The following SNX25 variants were observed in gnomAD, a reference collection of about 807,000 sequenced individuals.
SNX25 encodes the protein sorting nexin-25.
Under a neutral mutation model 113.7 loss-of-function variants are expected in SNX25, and 62 were observed. The ratio of observed to expected loss-of-function variants is 0.55; its 90% CI spans 0.44 to 0.67. The LOEUF (loss-of-function observed/expected upper bound fraction) is 0.67, where lower values mean the gene tolerates loss of function less well. SNX25 is among the 30% of genes least tolerant of loss of function. The pLI is 0.00. For missense variants in SNX25, 1,014 were observed against 1,161.0 expected (o/e 0.87, Z 1.84); for synonymous variants, 421 against 436.2 (o/e 0.97, Z 0.43).
At chr4:185,345,216 C>CCTTT (rs1360637561) in intron 12 of SNX25, among the ~76,000 whole-genome samples, 1 of 152,134 alleles carries the variant, frequency 6.6e-6, no homozygotes, top group Non-Finnish European at 1.5e-5. Flanking sequence ...TTACCCCTGC[C>CCTTT]CTTTCCTACG....
chr4:185,326,367 A>AG (rs2095157280), intron 9 of SNX25, among the ~76,000 whole-genome samples: 2 of 152,172 alleles, frequency 1.3e-5, no homozygotes, highest in Admixed American at 6.5e-5. Context: ...AAGTTATCAG[A>AG]AACCTGCATT....
chr4:185,328,921 G>A (rs193111733), intron 9 of SNX25, among the ~76,000 whole-genome samples: 140 of 152,260 alleles, frequency 9.2e-4, no homozygotes, highest in African/African-American at 3.3e-3. Flanking sequence ...TTGAACAGGC[G>A]AGGAGCAGAT....
At chr4:185,215,507 C>CA (rs1432688061) in intron 1 of SNX25, among the ~76,000 whole-genome samples, 1 of 152,156 alleles carries the variant, frequency 6.6e-6, no homozygotes, top group Non-Finnish European at 1.5e-5. Flanking sequence ...AAAACAAACT[C>CA]ATTTAGTTAC....
At chr4:185,370,849 A>G (rs573061591), downstream of SNX25, 12 of 1,609,126 alleles carry the variant, frequency 7.5e-6, no homozygotes, top group South Asian at 1.2e-4. Context: ...TGGAAAAGAC[A>G]TCAGTTATGG....
intron 2 of SNX25, among the ~76,000 whole-genome samples, chr4:185,253,206 A>G (rs1218039826): frequency 6.6e-6 from 1 of 152,166 alleles, no homozygotes; most frequent in African/African-American, 2.4e-5. Flanking sequence ...AGTACATGCT[A>G]TTTGTTCAGT....
rs568204489 is a variant in SNX25, at chr4:185,236,238, T to A, written c.430-11056T>A. ...CCAAGAAGGTTTGCATCTTTCCCTA[T>A]AACTTTTTATAACTTTTCCCACCAC... On this transcript the variant is annotated intron_variant, in intron 1 of 18. Coordinates refer to ENST00000652585, the MANE Select transcript of SNX25 (RefSeq NM_001378034.2). Among the ~76,000 whole-genome samples the A allele has an allele frequency of 1.1e-4, 17 of 151,688 alleles. No individual in the cohort carries two copies. The South Asian group carries it at 3.3e-3, about 30-fold the overall frequency.
chr4:185,339,349 A>G (rs1347377577), intron 10 of SNX25, 30 bp from the exon 11 acceptor site: 3 of 1,609,956 alleles, frequency 1.9e-6, no homozygotes, highest in Non-Finnish European at 2.5e-6. Context: ...AAGTGTTTTC[A>G]TAACTCCCAG....
chr4:185,245,076 T>G (rs896571405), intron 1 of SNX25, among the ~76,000 whole-genome samples: 1 of 152,088 alleles, frequency 6.6e-6, no homozygotes, highest in East Asian at 1.9e-4. Context: ...ACCGTAACAT[T>G]AGCCTTTTAG....
intron 1 of SNX25, among the ~76,000 whole-genome samples, chr4:185,234,249 T>C (rs1057087369): frequency 2.0e-5 from 3 of 152,180 alleles, no homozygotes; most frequent in African/African-American, 7.2e-5. Context: ...ATTTTTCTTT[T>C]AGAAAGCAGG....
intron 1 of SNX25, among the ~76,000 whole-genome samples, chr4:185,242,454 C>G (rs1420448852): frequency 6.6e-6 from 1 of 152,176 alleles, no homozygotes; most frequent in African/African-American, 2.4e-5. Context: ...TGCCCATGAG[C>G]CCCCTTTGGG....
intron 7 of SNX25, 53 bp downstream of exon 7, chr4:185,310,869 G>A: frequency 6.7e-7 from 1 of 1,501,728 alleles, no homozygotes; most frequent in Non-Finnish European, 8.9e-7. Context: ...TATAAATGCT[G>A]ATAGAACTAC....
intron 8 of SNX25, among the ~76,000 whole-genome samples, chr4:185,321,262 ATTTTTTT>A (rs556737428): frequency 1.5e-5 from 2 of 137,252 alleles, no homozygotes; most frequent in African/African-American, 5.4e-5. Context: ...TTTCATTTCA[ATTTTTTT>A]TTTTTTTTTT....
intron 9 of SNX25, among the ~76,000 whole-genome samples, chr4:185,326,229 A>G (rs1219524614): frequency 5.3e-5 from 8 of 152,186 alleles, no homozygotes; most frequent in African/African-American, 1.7e-4. Context: ...AAAACGTCAG[A>G]AAGGTCACTC....
intron 9 of SNX25, among the ~76,000 whole-genome samples, chr4:185,325,790 T>C (rs561070940): frequency 6.6e-6 from 1 of 152,142 alleles, no homozygotes. Flanking sequence ...TAACTTGGGG[T>C]TCCTGGCCTG....
At chr4:185,240,663 C>T (rs1271011749) in intron 1 of SNX25, among the ~76,000 whole-genome samples, 2 of 151,112 alleles carry the variant, frequency 1.3e-5, no homozygotes, top group Non-Finnish European at 3.0e-5. Context: ...ACCCCCCCAC[C>T]TCCCTTCCGG....
intron 9 of SNX25, among the ~76,000 whole-genome samples, chr4:185,325,385 T>G (rs1360472889): frequency 3.3e-5 from 5 of 151,986 alleles, no homozygotes; most frequent in African/African-American, 4.8e-5. Context: ...TACAAAAAAT[T>G]AGCTGGGTGT....
At chr4:185,224,356 T>A (rs1351240155) in intron 1 of SNX25, among the ~76,000 whole-genome samples, 1 of 146,020 alleles carries the variant, frequency 6.8e-6, no homozygotes, top group Non-Finnish European at 1.5e-5. Flanking sequence ...CATCTCAAAA[T>A]ATATATATAT....
chr4:185,211,426 A>G (rs1340094772), intron 1 of SNX25, among the ~76,000 whole-genome samples: 1 of 152,190 alleles, frequency 6.6e-6, no homozygotes, highest in African/African-American at 2.4e-5. Context: ...TCCGTTTTTC[A>G]TATCTCATTT....
At chr4:185,223,641 C>T (rs1007176870) in intron 1 of SNX25, among the ~76,000 whole-genome samples, 2 of 151,620 alleles carry the variant, frequency 1.3e-5, no homozygotes, top group African/African-American at 2.4e-5. Context: ...ATTAGCCGGG[C>T]GTGGTGGCGG....
Sources: gnomAD v4.1 joint callset for allele counts (sites outside exome capture counted in the v4.1 genomes callset) on GRCh38, gnomAD v4.1.1 for gene constraint, MANE v1.5 for transcripts, NCBI Gene and HGNC (gene_info 2026-07-23, HGNC 2026-07-21) for gene names.